Variants in CYTH3 observed in about 807,000 individuals in gnomAD.
CYTH3 encodes cytohesin 3.
A neutral mutation model predicts 55.1 loss-of-function variants in CYTH3; 23 were observed. The ratio of observed to expected loss-of-function variants is 0.42; its 90% confidence interval spans 0.30 to 0.59. The LOEUF (loss-of-function observed/expected upper bound fraction) is 0.59. Among genes scored for constraint, CYTH3 ranks in the 20% least tolerant of loss-of-function variants. CYTH3 has a pLI of 0.20. For synonymous variants in CYTH3, 249 were observed against 194.9 expected (o/e 1.28, Z -2.31); for missense variants, 413 against 524.8 (o/e 0.79, Z 2.08).
chr7:6,220,794 G>C (rs186410037), intron 1 of CYTH3, among the ~76,000 whole-genome samples: 1 of 151,990 alleles, frequency 6.6e-6, no homozygotes, highest in Non-Finnish European at 1.5e-5. Context: ...TCAGGAGTTC[G>C]AGACCAGCCT....
At chr7:6,236,261 T>C (rs771761549) in intron 1 of CYTH3, among the ~76,000 whole-genome samples, 13 of 151,822 alleles carry the variant, frequency 8.6e-5, no homozygotes, top group Admixed American at 3.3e-4. Flanking sequence ...TGGAGTACAG[T>C]GGCACAATCT....
At chr7:6,196,218 G>A (rs535088765) in intron 1 of CYTH3, among the ~76,000 whole-genome samples, 7 of 152,274 alleles carry the variant, frequency 4.6e-5, no homozygotes, top group South Asian at 2.1e-4. Context: ...TAAAGAGCAC[G>A]AGTGGAATGA....
chr7:6,269,204 C>T (rs987951948), intron 1 of CYTH3, among the ~76,000 whole-genome samples: 4 of 152,176 alleles, frequency 2.6e-5, no homozygotes, highest in Non-Finnish European at 5.9e-5. Context: ...CGGATCTGAG[C>T]CAACAGGACA....
chr7:6,204,340 G>C (rs940840841), intron 1 of CYTH3, among the ~76,000 whole-genome samples: 7 of 152,194 alleles, frequency 4.6e-5, no homozygotes, highest in African/African-American at 1.4e-4. Flanking sequence ...GTGCCTTCAA[G>C]TAAAGCAGAG....
chr7:6,184,602 C>T (rs1267508221), intron 4 of CYTH3, among the ~76,000 whole-genome samples: 1 of 152,026 alleles, frequency 6.6e-6, no homozygotes, highest in African/African-American at 2.4e-5. Context: ...TTTTGAGAGA[C>T]AGCCTCTTAC....
intron 1 of CYTH3, among the ~76,000 whole-genome samples, chr7:6,265,208 G>T (rs1488170641): frequency 6.6e-6 from 1 of 151,570 alleles, no homozygotes; most frequent in Non-Finnish European, 1.5e-5. Flanking sequence ...CAGTCCCCAA[G>T]GTCAGAATGT....
At chr7:6,269,426 C>A (rs772006891) in intron 1 of CYTH3, among the ~76,000 whole-genome samples, 2 of 152,132 alleles carry the variant, frequency 1.3e-5, no homozygotes, top group Non-Finnish European at 2.9e-5. Context: ...AGCACAGACA[C>A]CTACATTGAT....
At position 6,164,756 on chromosome 7, in the gene CYTH3, C is replaced by T. The variant is rs187046515; in HGVS notation, c.*188G>A. ...TGGAGCAGCAGCTTGCACTGCAGGG[C>T]GACCACCTCCCAGGACCCCAGCCAC... is the stretch of plus-strand genomic sequence containing the variant. On this transcript the variant is annotated 3_prime_UTR_variant, in exon 13 of 13. Transcript: ENST00000350796. 32 of 689,258 alleles carry T rather than the reference C, an allele frequency of 4.6e-5. No homozygotes were observed. The highest frequency in any genetic ancestry group is 1.2e-4 in the African/African-American group (7 of 56,126). 42.7% of individuals were successfully genotyped at this position (689,258 alleles called of 1,614,324 possible). A position where few individuals can be genotyped will look rare whatever the true frequency, so the allele number is the denominator to read the frequency against.
chr7:6,194,872 G>A (rs1032556701), intron 1 of CYTH3, among the ~76,000 whole-genome samples: 4 of 152,156 alleles, frequency 2.6e-5, no homozygotes, highest in Non-Finnish European at 5.9e-5. Flanking sequence ...CTACTCGGGA[G>A]GCTGAGGCGG....
intron 1 of CYTH3, among the ~76,000 whole-genome samples, chr7:6,199,071 T>C (rs1029259602): frequency 6.6e-6 from 1 of 152,202 alleles, no homozygotes; most frequent in Non-Finnish European, 1.5e-5. Flanking sequence ...AAAAACAATG[T>C]GGAAAGAAGG....
intron 2 of CYTH3, chr7:6,188,641 G>A (rs1783719608): frequency 6.6e-6 from 1 of 152,308 alleles, no homozygotes; most frequent in South Asian, 2.1e-4. Flanking sequence ...ACTCAGAGAA[G>A]CCAAATGCAT....
At chr7:6,193,158 C>T (rs1373264726) in intron 1 of CYTH3, among the ~76,000 whole-genome samples, 2 of 151,888 alleles carry the variant, frequency 1.3e-5, no homozygotes, top group Non-Finnish European at 1.5e-5. Flanking sequence ...GGTGACAGAG[C>T]GAGAGTCCGT....
rs902207396 is a variant in CYTH3 at position 6,213,941 on chromosome 7, A to G, written c.35-23410T>C. ...GCATCAGAGCACAGGAGTTATTCTC[A>G]GCATCCTTTTAGGAAGGCTCATGGA... On this transcript the variant is annotated intron_variant, in intron 1 of 12. Coordinates refer to ENST00000350796, the MANE Select transcript of CYTH3 (RefSeq NM_004227.4). 4.6e-5 allele frequency among the ~76,000 whole-genome samples: 7 copies of G among 152,258 alleles called. No homozygotes were observed. In the South Asian group the frequency reaches 8.3e-4, roughly 18 times the overall value.
chr7:6,184,634 G>T (rs1299134073), intron 4 of CYTH3, among the ~76,000 whole-genome samples: 1 of 152,190 alleles, frequency 6.6e-6, no homozygotes. Context: ...AGACTGGAGT[G>T]CAGTGATGCA....
intron 2 of CYTH3, 110 bp from the exon 3 acceptor site, chr7:6,187,831 C>A: frequency 1.2e-6 from 1 of 868,046 alleles, no homozygotes; most frequent in Non-Finnish European, 2.0e-6. Context: ...CTCACCGGAG[C>A]ATCACAGGGA....
chr7:6,237,282 C>T (rs768660033), intron 1 of CYTH3, among the ~76,000 whole-genome samples: 7 of 152,208 alleles, frequency 4.6e-5, no homozygotes, highest in Non-Finnish European at 7.3e-5. Context: ...GGGGAACAGT[C>T]TGAGCTATGT....
chr7:6,241,766 G>A (rs1014501363), intron 1 of CYTH3, among the ~76,000 whole-genome samples: 2 of 152,012 alleles, frequency 1.3e-5, no homozygotes, highest in African/African-American at 2.4e-5. Context: ...CTAGAACAAG[G>A]CCTAGAGTAC....
chr7:6,176,369 C>T (rs1025053305), intron 5 of CYTH3, among the ~76,000 whole-genome samples: 1 of 145,996 alleles, frequency 6.8e-6, no homozygotes, highest in Non-Finnish European at 1.5e-5. Flanking sequence ...TCACGTCATT[C>T]TCCTGCCTCA....
At chr7:6,224,332 A>AG (rs1322440310) in intron 1 of CYTH3, among the ~76,000 whole-genome samples, 2 of 151,690 alleles carry the variant, frequency 1.3e-5, no homozygotes, top group African/African-American at 4.8e-5. Flanking sequence ...AAAAAAAAAA[A>AG]AAGATTGATG....
Sources: gnomAD v4.1 joint callset for allele counts (sites outside exome capture counted in the v4.1 genomes callset) on GRCh38, gnomAD v4.1.1 for gene constraint, MANE v1.5 for transcripts, NCBI Gene and HGNC (gene_info 2026-07-23, HGNC 2026-07-21) for gene names.